The following GALNT13 variants were observed in gnomAD, a reference collection of about 807,000 sequenced individuals.
GALNT13 encodes the protein polypeptide N-acetylgalactosaminyltransferase 13.
Under a neutral mutation model 64.2 loss-of-function variants are expected in GALNT13, and 28 were observed. The observed-to-expected ratio is 0.44, with a 90% confidence interval of 0.32 to 0.60. The LOEUF (loss-of-function observed/expected upper bound fraction) is 0.60, where lower values mean the gene tolerates loss of function less well. GALNT13 is among the 20% of genes least tolerant of loss of function. The probability of loss-of-function intolerance (pLI) is 0.05; values close to 1 mark genes in which losing one functional copy is unlikely to be tolerated. For missense variants in GALNT13, 577 were observed against 669.8 expected (o/e 0.86, Z 1.53); for synonymous variants, 214 against 224.6 (o/e 0.95, Z 0.42).
At chr2:154,252,051 G>A (rs1011064494) in intron 7 of GALNT13, among the ~76,000 whole-genome samples, 3 of 151,896 alleles carry the variant, frequency 2.0e-5, no homozygotes, top group African/African-American at 7.3e-5. Flanking sequence ...AATTAACACA[G>A]ATCTAAATAC....
the GALNT13 span, among the ~76,000 whole-genome samples, chr2:153,638,004 A>G: frequency 6.6e-5 from 10 of 152,124 alleles, no homozygotes; most frequent in African/African-American, 1.4e-4. Flanking sequence ...AAAGGGGTTT[A>G]TTTGATGTAG....
At chr2:153,394,983 CAATT>C in the GALNT13 span, among the ~76,000 whole-genome samples, 11 of 152,084 alleles carry the variant, frequency 7.2e-5, no homozygotes, top group Admixed American at 2.0e-4. Context: ...TTTGTTGGCA[CAATT>C]AACTTCCTTG....
At chr2:153,510,609 A>C in the GALNT13 span, among the ~76,000 whole-genome samples, 1 of 152,166 alleles carries the variant, frequency 6.6e-6, no homozygotes, top group African/African-American at 2.4e-5. Flanking sequence ...TCATGAACAA[A>C]ATTGACCAAG....
At chr2:154,179,028 T>C (rs1289196201) in intron 4 of GALNT13, among the ~76,000 whole-genome samples, 1 of 152,170 alleles carries the variant, frequency 6.6e-6, no homozygotes, top group African/African-American at 2.4e-5. Flanking sequence ...AAAACTCTTT[T>C]ACCATGGCGT....
the GALNT13 span, among the ~76,000 whole-genome samples, chr2:153,241,747 T>C: frequency 6.6e-6 from 1 of 152,008 alleles, no homozygotes. Context: ...TTTGTGAGAC[T>C]AGTCTTAGGC....
At chr2:153,890,251 GTTTTCC>G (rs972421494) in intron 1 of GALNT13, among the ~76,000 whole-genome samples, 1 of 151,752 alleles carries the variant, frequency 6.6e-6, no homozygotes, top group Non-Finnish European at 1.5e-5. Flanking sequence ...AGAATTTTTA[GTTTTCC>G]TTTTCTGTGT....
intron 3 of GALNT13, among the ~76,000 whole-genome samples, chr2:154,106,429 A>G (rs1702618947): frequency 6.6e-6 from 1 of 152,014 alleles, no homozygotes; most frequent in African/African-American, 2.4e-5. Context: ...CCATTTGTGA[A>G]ATGACTATCT....
chr2:154,283,581 A>G (rs1426882146), intron 8 of GALNT13, among the ~76,000 whole-genome samples: 2 of 151,484 alleles, frequency 1.3e-5, no homozygotes, highest in Non-Finnish European at 3.0e-5. Flanking sequence ...CCGTCTCAAA[A>G]AAAAAAAAAA....
intron 3 of GALNT13, among the ~76,000 whole-genome samples, chr2:154,019,913 C>T (rs1455797321): frequency 4.6e-5 from 7 of 150,984 alleles, no homozygotes; most frequent in Admixed American, 2.6e-4. Context: ...CATGTGTTCT[C>T]ATTGTTCAGT....
chr2:154,364,720 G>A (rs1697269174), intron 9 of GALNT13, among the ~76,000 whole-genome samples: 1 of 152,084 alleles, frequency 6.6e-6, no homozygotes, highest in Non-Finnish European at 1.5e-5. Context: ...CTCCCGGGCT[G>A]GAATGCGATG....
At position 154,181,041 on chromosome 2, in the gene GALNT13, A is replaced by T. The variant is rs115338370; in HGVS notation, c.311+40536A>T. ...TGCCATAGGAAAGAGCCAACTTTTC[A>T]TATCTGTGGTTTTCACAGGGCCAAC... On this transcript the variant is annotated intron_variant, in intron 4 of 12. Transcript: ENST00000392825. Among the ~76,000 whole-genome samples, 1,358 of 152,278 alleles carry T rather than the reference A, an allele frequency of 8.9e-3. 20 individuals carry two copies. The highest frequency in any genetic ancestry group is 0.03 in the African/African-American group (1,241 of 41,564).
At chr2:154,188,723 T>C (rs1390639409) in intron 4 of GALNT13, among the ~76,000 whole-genome samples, 2 of 152,210 alleles carry the variant, frequency 1.3e-5, no homozygotes, top group Non-Finnish European at 2.9e-5. Flanking sequence ...TTTATTTAAC[T>C]TTAATGTTAT....
At chr2:154,420,451 C>T (rs960401330) in intron 11 of GALNT13, among the ~76,000 whole-genome samples, 20 of 152,088 alleles carry the variant, frequency 1.3e-4, no homozygotes, top group African/African-American at 3.9e-4. Context: ...ACCTTGTCTT[C>T]AAATAGTTTT....
the GALNT13 span, among the ~76,000 whole-genome samples, chr2:153,833,375 A>G: frequency 9.6e-4 from 146 of 152,286 alleles, no homozygotes; most frequent in Non-Finnish European, 1.6e-3. Context: ...GCTAAGATCT[A>G]CAGTAAGAAC....
intron 2 of GALNT13, among the ~76,000 whole-genome samples, chr2:153,920,696 A>G (rs1019751648): frequency 1.3e-5 from 2 of 152,166 alleles, no homozygotes; most frequent in Non-Finnish European, 2.9e-5. Flanking sequence ...CAAACAGACA[A>G]TCTACAGAAT....
At chr2:154,386,756 TAA>T (rs979279991) in intron 9 of GALNT13, among the ~76,000 whole-genome samples, 4 of 152,084 alleles carry the variant, frequency 2.6e-5, no homozygotes, top group African/African-American at 9.7e-5. Flanking sequence ...TCTTTTATTT[TAA>T]AAGACTACTG....
chr2:153,828,294 A>C, the GALNT13 span, among the ~76,000 whole-genome samples: 13 of 152,330 alleles, frequency 8.5e-5, no homozygotes, highest in East Asian at 2.3e-3. Context: ...TCCCTTCTGC[A>C]CTGCCCTAGC....
intron 7 of GALNT13, among the ~76,000 whole-genome samples, chr2:154,250,778 A>T (rs1020466771): frequency 6.6e-6 from 1 of 152,080 alleles, no homozygotes; most frequent in African/African-American, 2.4e-5. Context: ...TCTCAATCCA[A>T]CCATAATATA....
At chr2:153,833,164 T>C in the GALNT13 span, among the ~76,000 whole-genome samples, 3 of 152,144 alleles carry the variant, frequency 2.0e-5, no homozygotes, top group South Asian at 6.2e-4. Context: ...TTAGTAGCCC[T>C]TTTGGTCATC....
Sources: gnomAD v4.1 joint callset for allele counts (sites outside exome capture counted in the v4.1 genomes callset) on GRCh38, gnomAD v4.1.1 for gene constraint, MANE v1.5 for transcripts, NCBI Gene and HGNC (gene_info 2026-07-23, HGNC 2026-07-21) for gene names.